Variants in ZFAT observed in about 807,000 individuals in gnomAD.
The protein encoded by ZFAT is zinc finger protein ZFAT.
In ZFAT, 64 loss-of-function variants were observed where a neutral mutation model predicts 117.7. The ratio of observed to expected loss-of-function variants is 0.54; its 90% confidence interval spans 0.44 to 0.67. ZFAT has a LOEUF of 0.67. Among genes scored for constraint, ZFAT ranks in the 30% least tolerant of loss-of-function variants. The probability of loss-of-function intolerance (pLI) is 0.00; values close to 1 mark genes in which losing one functional copy is unlikely to be tolerated. For missense variants in ZFAT, 1,433 were observed against 1,584.5 expected, an observed-to-expected ratio of 0.90 and a Z score of 1.62; for synonymous variants, 679 against 615.0, an observed-to-expected ratio of 1.10 and a Z score of -1.54.
the ZFAT span, among the ~76,000 whole-genome samples, chr8:134,813,575 GC>G: frequency 2.2e-4 from 34 of 152,120 alleles, no homozygotes; most frequent in Non-Finnish European, 4.6e-4. Context: ...ACCACGCCCA[GC>G]TAATGTTTTT....
At chr8:134,507,845 T>A (rs1485305657) in intron 15 of ZFAT, among the ~76,000 whole-genome samples, 2 of 152,114 alleles carry the variant, frequency 1.3e-5, no homozygotes, top group Admixed American at 1.3e-4. Flanking sequence ...ACATTCAAAG[T>A]CCTCCTGATA....
chr8:134,691,426 A>G (rs562754614), intron 1 of ZFAT, among the ~76,000 whole-genome samples: 14 of 152,386 alleles, frequency 9.2e-5, no homozygotes, highest in African/African-American at 3.4e-4. Context: ...AGCCACCTGT[A>G]GCAGGTCCAT....
chr8:134,600,528 T>C lies in ZFAT; in HGVS notation c.2383A>G (p.Asn795Asp). 6.2e-7 allele frequency: 1 copy of C among 1,614,218 alleles called. No individual in the cohort carries two copies. The highest frequency in any genetic ancestry group is 8.5e-7 in the Non-Finnish European group (1 of 1,180,048). Reference sequence around the variant, plus strand: ...TCGGTGGGACACTTCAGCAAGATGTTACTGTGTTTCTGAATTACGTGGCGT... The same window carrying C: ...TCGGTGGGACACTTCAGCAAGATGTCACTGTGTTTCTGAATTACGTGGCGT... Reference protein sequence around the residue: ...LKRHVIQKHSNILLKCPTDGC... With the variant: ...LKRHVIQKHSDILLKCPTDGC... Residue 795 changes from asparagine to aspartate, a missense_variant, in exon 7 of 16, where the codon AAC (asparagine) becomes GAC (aspartate). Asn to Asp is a conservative substitution (Grantham distance 23). This residue lies in a region of ZFAT where 49 missense variants were observed against 81.5 expected (regional missense o/e 0.60). Transcript: ENST00000377838.
the ZFAT span, among the ~76,000 whole-genome samples, chr8:134,741,980 G>T: frequency 6.6e-6 from 1 of 151,780 alleles, no homozygotes. Context: ...CTTCTCCCCA[G>T]CCCCACTCCT....
At chr8:134,808,267 G>A in the ZFAT span, among the ~76,000 whole-genome samples, 1 of 152,186 alleles carries the variant, frequency 6.6e-6, no homozygotes, top group African/African-American at 2.4e-5. Context: ...AGTCCAAGGA[G>A]GGCCTGTTCT....
rs142355764 is a variant in ZFAT, at chr8:134,701,341, G to A, written c.19+11504C>T. ...CTCAAGGTTCATCATGTGGTAGCCC[G>A]TGTCAGGTTTCCACCCTTTTTAAGG... On this transcript the variant is annotated intron_variant, in intron 1 of 15. Transcript: ENST00000377838. Among the ~76,000 whole-genome samples, 734 of 152,274 alleles carry A rather than the reference G, an allele frequency of 4.8e-3. 7 individuals carry two copies. The highest frequency in any genetic ancestry group is 0.016 in the African/African-American group (680 of 41,542).
chr8:134,647,824 A>G (rs547828309), intron 2 of ZFAT, among the ~76,000 whole-genome samples: 7 of 152,312 alleles, frequency 4.6e-5, no homozygotes, highest in Admixed American at 1.3e-4. Flanking sequence ...ACTAAAAACC[A>G]TATCAATGAA....
At chr8:134,682,930 C>T (rs1226582418) in intron 1 of ZFAT, among the ~76,000 whole-genome samples, 1 of 152,194 alleles carries the variant, frequency 6.6e-6, no homozygotes, top group African/African-American at 2.4e-5. Flanking sequence ...CAGAGGCTTT[C>T]GTACTCCCTC....
chr8:134,582,598 G>A (rs1825785429), intron 10 of ZFAT, among the ~76,000 whole-genome samples: 1 of 150,018 alleles, frequency 6.7e-6, no homozygotes, highest in African/African-American at 2.5e-5. Flanking sequence ...TTTGATTATG[G>A]ATTTTTTTTA....
intron 3 of ZFAT, among the ~76,000 whole-genome samples, chr8:134,613,777 C>T (rs958635434): frequency 2.0e-5 from 3 of 152,106 alleles, no homozygotes; most frequent in African/African-American, 4.8e-5. Context: ...AGAAAAGTAC[C>T]GCCTCTCTTC....
intron 1 of ZFAT, among the ~76,000 whole-genome samples, chr8:134,668,229 ATGTCCC>A: frequency 6.6e-6 from 1 of 152,226 alleles, no homozygotes; most frequent in East Asian, 1.9e-4. Context: ...AGACTTAAAA[ATGTCCC>A]TGTCTGACAG....
At chr8:134,794,408 T>C in the ZFAT span, 1 of 152,236 alleles carries the variant, frequency 6.6e-6, no homozygotes, top group African/African-American at 2.4e-5. Flanking sequence ...AACACAATTT[T>C]AGAAGAGACT....
chr8:134,723,062 C>G, the ZFAT span: 1 of 152,242 alleles, frequency 6.6e-6, no homozygotes, highest in Non-Finnish European at 1.5e-5. Context: ...TTCTAGCCAC[C>G]AGAATGGTGA....
chr8:134,623,317 T>C (rs749288924), intron 3 of ZFAT, among the ~76,000 whole-genome samples: 1 of 152,234 alleles, frequency 6.6e-6, no homozygotes, highest in African/African-American at 2.4e-5. Context: ...CACTCCCCTG[T>C]GGGGGCCTCA....
chr8:134,681,668 T>C (rs1044674659), intron 1 of ZFAT, among the ~76,000 whole-genome samples: 1 of 152,188 alleles, frequency 6.6e-6, no homozygotes, highest in Admixed American at 6.5e-5. Flanking sequence ...TTATTAACTT[T>C]AGAGAGAGTA....
chr8:134,562,389 GGA>G (rs369841558), intron 11 of ZFAT, among the ~76,000 whole-genome samples: 1 of 152,270 alleles, frequency 6.6e-6, no homozygotes, highest in African/African-American at 2.4e-5. Flanking sequence ...AGGAGCAATA[GGA>G]AATTAACACA....
At chr8:134,550,310 G>GAAAAAAGAAAAAAA (rs1823038511) in intron 11 of ZFAT, among the ~76,000 whole-genome samples, 1 of 72,534 alleles carries the variant, frequency 1.4e-5, no homozygotes, top group Non-Finnish European at 2.6e-5. Context: ...GGTCACAACG[G>GAAAAAAGAAAAAAA]AAAAAAAAAA....
At chr8:134,727,763 T>A in the ZFAT span, among the ~76,000 whole-genome samples, 1 of 152,064 alleles carries the variant, frequency 6.6e-6, no homozygotes, top group African/African-American at 2.4e-5. Context: ...CTGAAGCTAC[T>A]CCACTCTGCC....
At chr8:134,689,359 G>A (rs1005295870) in intron 1 of ZFAT, among the ~76,000 whole-genome samples, 3 of 152,216 alleles carry the variant, frequency 2.0e-5, no homozygotes, top group African/African-American at 7.2e-5. Flanking sequence ...CGGTAACACT[G>A]TCACTGCCTC....
Sources: allele counts gnomAD v4.1 joint callset (sites outside exome capture counted in the v4.1 genomes callset), GRCh38; gene constraint gnomAD v4.1.1; regional missense constraint gnomAD v4.1.1; transcripts MANE v1.5; gene names NCBI Gene and HGNC (gene_info 2026-07-23, HGNC 2026-07-21).